NRXN2: variants seen among roughly 807,000 people sequenced by gnomAD.
NRXN2 encodes neurexin-2-beta.
Under a neutral mutation model 128.8 loss-of-function variants are expected in NRXN2, and 29 were observed. The ratio of observed to expected loss-of-function variants is 0.23; its 90% CI spans 0.17 to 0.31. The LOEUF (loss-of-function observed/expected upper bound fraction) is 0.31. Ranked by LOEUF, NRXN2 falls within the 10% of genes least tolerant of loss-of-function variation. The pLI is 1.00. For synonymous variants in NRXN2, 1,098 were observed against 1,075.2 expected (o/e 1.02, Z -0.41); for missense variants, 1,881 against 2,452.6 (o/e 0.77, Z 4.92).
intron 11 of NRXN2, among the ~76,000 whole-genome samples, chr11:64,659,166 A>C (rs1222189096): frequency 1.3e-5 from 2 of 152,212 alleles, no homozygotes; most frequent in African/African-American, 4.8e-5. Flanking sequence ...GGCTGGTGCT[A>C]CACCTTTATA....
rs532551988 is a variant in NRXN2 at position 64,626,504 on chromosome 11, T to A, written c.3806A>T (p.Tyr1269Phe). 6.8e-6 allele frequency: 11 copies of A among 1,614,092 alleles called. No individual in the cohort carries two copies. In the South Asian group the frequency reaches 1.2e-4, roughly 18 times the overall value. ...RLAIARQRIP[Y>F]RLGRVVDEWL... ...CTCATCTACTACTCGACCAAGCCGG[T>A]AGGGGATTCTCTGTCTAGCAATCGC... Residue 1269 changes from tyrosine to phenylalanine, a missense_variant, in exon 20 of 23, where the codon TAC (tyrosine) becomes TTC (phenylalanine). Physicochemically the swap from Tyr to Phe is conservative, Grantham distance 22. Transcript: ENST00000265459.
chr11:64,658,267 G>C (rs889916558), intron 11 of NRXN2, among the ~76,000 whole-genome samples: 1 of 152,196 alleles, frequency 6.6e-6, no homozygotes, highest in African/African-American at 2.4e-5. Context: ...GGCAAAGTAG[G>C]GGGGAACTCA....
In NRXN2 at chr11:64,666,902, A is replaced by T. The variant is rs1390839589; in HGVS notation, c.1798+348T>A. Among the ~76,000 whole-genome samples the T allele has an allele frequency of 2.0e-5, 3 of 151,924 alleles. No individual in the cohort carries two copies. The South Asian group carries it at 6.2e-4, about 31-fold the overall frequency. On this transcript the variant is annotated intron_variant, in intron 9 of 22. Coordinates refer to ENST00000265459, the MANE Select transcript of NRXN2 (RefSeq NM_015080.4). Reference sequence around the variant, plus strand: ...TAAAGGTGAATGGGGTATCTACTCTATGTTGGCCACTGTGCTAATGCTTCC... The same window carrying T: ...TAAAGGTGAATGGGGTATCTACTCTTTGTTGGCCACTGTGCTAATGCTTCC...
At chr11:64,692,623 G>A (rs908233810) in intron 4 of NRXN2, among the ~76,000 whole-genome samples, 4 of 152,198 alleles carry the variant, frequency 2.6e-5, no homozygotes, top group Non-Finnish European at 5.9e-5. Flanking sequence ...CAGGGTGGGT[G>A]AGGGAGAGGG....
At chr11:64,686,059 G>A (rs2053006148) in intron 5 of NRXN2, 112 bp from the exon 6 acceptor site, 2 of 1,184,268 alleles carry the variant, frequency 1.7e-6, no homozygotes, top group Admixed American at 1.9e-5. Flanking sequence ...CAGGAGCCCA[G>A]AGGTCCCAAC....
intron 5 of NRXN2, chr11:64,688,427 G>C (rs965801785): frequency 1.0e-6 from 1 of 985,458 alleles, no homozygotes; most frequent in Non-Finnish European, 1.2e-6. Context: ...GGTGAGGAGA[G>C]AGAGAGAGAA....
rs1162328298 is a variant in NRXN2 at position 64,723,037 on chromosome 11, G to A, written c.-311C>T. On this transcript the variant is annotated 5_prime_UTR_variant, in exon 1 of 23. Transcript: ENST00000265459. ...GCTACAGGGCCGCCCCGTCTCCGACGGGTGGCAGAGCCAGGGCTAGCGGTG... is the reference window on the plus strand; with the variant it reads ...GCTACAGGGCCGCCCCGTCTCCGACAGGTGGCAGAGCCAGGGCTAGCGGTG... 1 of 148,692 alleles carries A rather than the reference G, an allele frequency of 6.7e-6. No homozygotes were observed. Among genetic ancestry groups the A allele is most frequent in the Non-Finnish European group, 1.5e-5 (1 of 67,158 alleles). 9.2% of individuals were successfully genotyped at this position (148,692 alleles called of 1,614,324 possible).
chr11:64,620,161 A>G (rs1482900242), intron 22 of NRXN2, 133 bp downstream of exon 22: 2 of 716,812 alleles, frequency 2.8e-6, no homozygotes, highest in Non-Finnish European at 4.9e-6. Flanking sequence ...ATGTTAGGCA[A>G]GGGGGAACTA....
chr11:64,651,915 G>C lies in NRXN2; in HGVS notation c.2536+120C>G. 1 of 1,480,110 alleles carries C rather than the reference G, an allele frequency of 6.8e-7. No homozygotes were observed. The highest frequency in any genetic ancestry group is 2.3e-5 in the East Asian group (1 of 44,228). The allele number at this position is 1,480,110 out of a possible 1,614,324, so 91.7% of individuals were successfully genotyped here. On this transcript the variant is annotated intron_variant, in intron 13 of 22. Coordinates refer to ENST00000265459, the MANE Select transcript of NRXN2 (RefSeq NM_015080.4). This position sits in a 1 kb window ranked among gnomAD's most constrained non-coding sequence, Gnocchi z 5.9. ...TTCCACCCCTGAAGGAGAAATGGCA[G>C]AGGCAGCTTGCCAGAACACTGCCCT... is the stretch of plus-strand genomic sequence containing the variant.
At position 64,607,552 on chromosome 11, in the gene NRXN2, G is replaced by A; in HGVS notation, c.4783C>T (p.Pro1595Ser). 6.5e-7 allele frequency: 1 copy of A among 1,549,240 alleles called. No homozygotes were observed. The highest frequency in any genetic ancestry group is 8.7e-7 in the Non-Finnish European group (1 of 1,151,476). ...PTSFEPRRPP[P>S]LRPGVTSAPG... ...GCTGAGGTCACGCCGGGGCGCAGGG[G>A]AGGGGGCCTCCGCGGCTCAAAGGAC... The change falls in exon 23 of 23, where the codon CCC (proline) becomes TCC (serine). Residue 1595 changes from proline (P) to serine (S), a missense_variant. By Grantham distance (74) the Pro-to-Ser change is moderately conservative (BLOSUM62 -1). Around this residue, in one of 7 missense-constraint regions of NRXN2, gnomAD observed 310 missense variants for 318.2 expected, o/e 0.97. Transcript: ENST00000265459.
intron 9 of NRXN2, among the ~76,000 whole-genome samples, chr11:64,666,481 C>A (rs2049880680): frequency 6.6e-6 from 1 of 152,084 alleles, no homozygotes; most frequent in South Asian, 2.1e-4. Context: ...GAATTACAGG[C>A]GTGAGCCACA....
At chr11:64,685,505 C>A in intron 6 of NRXN2, 141 bp downstream of exon 6, 1 of 1,142,138 alleles carries the variant, frequency 8.8e-7, no homozygotes, top group Non-Finnish European at 1.3e-6. Flanking sequence ...CCCTCACAGC[C>A]CCAACTCCTG....
chr11:64,655,360 G>C (rs546281823), intron 11 of NRXN2, among the ~76,000 whole-genome samples: 1 of 152,316 alleles, frequency 6.6e-6, no homozygotes, highest in South Asian at 2.1e-4. Flanking sequence ...GAGGTAGAGA[G>C]AGTGCAGAGA....
At position 64,632,726 on chromosome 11, in the gene NRXN2, T is replaced by C. The variant is rs1190896994; in HGVS notation, c.3586-2153A>G. Among the ~76,000 whole-genome samples, 3 of 152,148 alleles carry C rather than the reference T, an allele frequency of 2.0e-5. No homozygotes were observed. The highest frequency in any genetic ancestry group is 6.5e-5 in the Admixed American group (1 of 15,286). The stretch of plus-strand genomic sequence containing the variant: ...GGCAGCTCCCCAGAGCCTCTCCCAG[T>C]GTGAAGTCAGTTGTCACTTCTGTTA... On this transcript the variant is annotated intron_variant, in intron 18 of 22. Transcript: ENST00000265459. This position sits in a 1 kb window ranked among gnomAD's most constrained non-coding sequence, Gnocchi z 4.2.
chr11:64,610,541 C>T (rs1310178822), intron 22 of NRXN2, among the ~76,000 whole-genome samples: 1 of 152,160 alleles, frequency 6.6e-6, no homozygotes, highest in Non-Finnish European at 1.5e-5. Context: ...AACACCTGTT[C>T]TGTCACTGAG....
chr11:64,639,297 C>G (rs1413376854), intron 17 of NRXN2, among the ~76,000 whole-genome samples: 1 of 152,222 alleles, frequency 6.6e-6, no homozygotes, highest in Admixed American at 6.5e-5. Context: ...CAGAACACAG[C>G]CTTTCAATTC....
intron 2 of NRXN2, among the ~76,000 whole-genome samples, chr11:64,701,256 C>A (rs978958866): frequency 6.6e-6 from 1 of 152,260 alleles, no homozygotes; most frequent in Non-Finnish European, 1.5e-5. Context: ...AAAGTCGAAT[C>A]TTCTCAGAAA....
chr11:64,686,452 C>T (rs1008138615), intron 5 of NRXN2, among the ~76,000 whole-genome samples: 12 of 152,230 alleles, frequency 7.9e-5, no homozygotes, highest in African/African-American at 2.7e-4. Flanking sequence ...GAGACAGTTT[C>T]AGCCTCACCA....
At chr11:64,652,725 T>C (rs2047645382) in intron 12 of NRXN2, among the ~76,000 whole-genome samples, 1 of 152,112 alleles carries the variant, frequency 6.6e-6, no homozygotes, top group African/African-American at 2.4e-5. Context: ...TACACATGCC[T>C]GGTTAACGTC....
Sources: allele counts gnomAD v4.1 joint callset (sites outside exome capture counted in the v4.1 genomes callset), GRCh38; gene constraint gnomAD v4.1.1; regional missense constraint gnomAD v4.1.1; non-coding constraint Gnocchi (gnomAD v3.1); transcripts MANE v1.5; gene names NCBI Gene and HGNC (gene_info 2026-07-23, HGNC 2026-07-21).